PRKG1: variants seen among roughly 807,000 people sequenced by gnomAD.
PRKG1 encodes protein kinase cGMP-dependent 1, also known as cGMP-dependent protein kinase 1.
In PRKG1, 35 loss-of-function variants were observed where a neutral mutation model predicts 88.1. That is an observed-to-expected ratio of 0.40 (90% CI 0.30 to 0.53). The LOEUF (loss-of-function observed/expected upper bound fraction) is 0.53. PRKG1 is among the 20% of genes least tolerant of loss of function. The probability of loss-of-function intolerance (pLI) is 0.59; values close to 1 mark genes in which losing one functional copy is unlikely to be tolerated. For synonymous variants in PRKG1, 303 were observed against 292.5 expected (o/e 1.04, Z -0.37); for missense variants, 540 against 839.8 (o/e 0.64, Z 4.41).
At chr10:51,912,212 G>A (rs1842233553) in intron 5 of PRKG1, among the ~76,000 whole-genome samples, 1 of 152,198 alleles carries the variant, frequency 6.6e-6, no homozygotes. Context: ...AAGAACAGAA[G>A]GAATATTTGT....
At chr10:52,073,533 T>C (rs758154206) in intron 7 of PRKG1, among the ~76,000 whole-genome samples, 5 of 152,230 alleles carry the variant, frequency 3.3e-5, no homozygotes, top group Non-Finnish European at 7.3e-5. Flanking sequence ...ATCCCCATGA[T>C]TTATTTCACT....
chr10:52,078,186 G>A (rs560822897), intron 7 of PRKG1, among the ~76,000 whole-genome samples: 2 of 152,308 alleles, frequency 1.3e-5, no homozygotes, highest in South Asian at 4.1e-4. Context: ...ACATGGATTT[G>A]CTAACCTGGA....
intron 5 of PRKG1, among the ~76,000 whole-genome samples, chr10:51,938,972 G>A (rs1488574880): frequency 3.3e-5 from 5 of 151,920 alleles, no homozygotes; most frequent in African/African-American, 1.2e-4. Flanking sequence ...AGGGTATGTG[G>A]ATAGACCCAG....
intron 5 of PRKG1, among the ~76,000 whole-genome samples, chr10:52,020,529 C>CT (rs1447464610): frequency 2.0e-5 from 3 of 152,076 alleles, no homozygotes; most frequent in Non-Finnish European, 4.4e-5. Flanking sequence ...ATTTAAAAGG[C>CT]TTTAGAACAG....
chr10:52,101,671 A>G (rs1164742271), intron 7 of PRKG1, among the ~76,000 whole-genome samples: 1 of 152,202 alleles, frequency 6.6e-6, no homozygotes, highest in East Asian at 1.9e-4. Flanking sequence ...TGGTTATTTT[A>G]TCAATAAGAC....
At chr10:51,780,793 A>G (rs934376596) in intron 3 of PRKG1, among the ~76,000 whole-genome samples, 1 of 152,184 alleles carries the variant, frequency 6.6e-6, no homozygotes, top group African/African-American at 2.4e-5. Flanking sequence ...TGCGAAGGTC[A>G]TTAAGTTTGT....
At chr10:51,126,838 A>G (rs1845436860) in intron 1 of PRKG1, among the ~76,000 whole-genome samples, 1 of 152,134 alleles carries the variant, frequency 6.6e-6, no homozygotes, top group Admixed American at 6.6e-5. Flanking sequence ...TCTTCAACAA[A>G]CCTGACAAAA....
chr10:52,193,563 C>CAAAAAAAAAA (rs67349420), intron 9 of PRKG1, among the ~76,000 whole-genome samples: 1 of 118,522 alleles, frequency 8.4e-6, no homozygotes, highest in African/African-American at 3.3e-5. Flanking sequence ...AAAAAAAAAA[C>CAAAAAAAAAA]AAAAAAAAAA....
Position 50,991,712 on chromosome 10 carries a change from C to G in PRKG1, c.266+68C>G. 13 of 1,138,172 alleles carry G rather than the reference C, an allele frequency of 1.1e-5. No homozygotes were observed. Among genetic ancestry groups the G allele is most frequent in the Non-Finnish European group, 1.1e-6 (1 of 922,114 alleles). 70.5% of individuals were successfully genotyped at this position (1,138,172 alleles called of 1,614,324 possible). On this transcript the variant is annotated intron_variant, in intron 1 of 17. Coordinates refer to the PRKG1 transcript ENST00000401604. This position sits in a 1 kb window ranked among gnomAD's most constrained non-coding sequence, Gnocchi z 4.5. ...CGGCGCAGAGGCTGGGGGCTCTGGC[C>G]GCGGCGGCGGGGGCGGGTCGGCCCA...
At chr10:51,420,635 T>C (rs553671803) in intron 2 of PRKG1, among the ~76,000 whole-genome samples, 1 of 152,334 alleles carries the variant, frequency 6.6e-6, no homozygotes, top group South Asian at 2.1e-4. Context: ...TTCACAACTT[T>C]TCTTACACTA....
chr10:51,591,559 G>A (rs1267717022), intron 3 of PRKG1, among the ~76,000 whole-genome samples: 1 of 152,158 alleles, frequency 6.6e-6, no homozygotes, highest in Non-Finnish European at 1.5e-5. Context: ...CAGCACTGCA[G>A]AAAGTGTTCA....
At chr10:51,009,082 G>A (rs575783426) in intron 1 of PRKG1, among the ~76,000 whole-genome samples, 1 of 152,240 alleles carries the variant, frequency 6.6e-6, no homozygotes, top group South Asian at 2.1e-4. Context: ...GGCTTAAAAT[G>A]TGAGACAACT....
At chr10:52,152,796 G>A (rs1467674459) in intron 8 of PRKG1, among the ~76,000 whole-genome samples, 2 of 152,192 alleles carry the variant, frequency 1.3e-5, no homozygotes, top group Non-Finnish European at 2.9e-5. Context: ...AGATAATATA[G>A]AAGAGGGGAT....
intron 4 of PRKG1, among the ~76,000 whole-genome samples, chr10:51,866,459 G>A (rs1452238548): frequency 6.6e-6 from 1 of 151,950 alleles, no homozygotes; most frequent in Non-Finnish European, 1.5e-5. Context: ...ACATCAGATA[G>A]GAATGATGAA....
intron 2 of PRKG1, among the ~76,000 whole-genome samples, chr10:51,244,006 C>T (rs1039106547): frequency 1.3e-5 from 2 of 152,082 alleles, no homozygotes; most frequent in African/African-American, 4.8e-5. Flanking sequence ...GAATTTTGTT[C>T]TATTGTGTTG....
chr10:51,319,544 T>C (rs1351330219), intron 2 of PRKG1, among the ~76,000 whole-genome samples: 2 of 152,188 alleles, frequency 1.3e-5, no homozygotes, highest in African/African-American at 4.8e-5. Context: ...TTCTTTACTC[T>C]CAGTTATTAG....
intron 4 of PRKG1, among the ~76,000 whole-genome samples, chr10:51,817,711 A>T (rs947700926): frequency 9.9e-5 from 15 of 152,202 alleles, no homozygotes; most frequent in Admixed American, 3.9e-4. Context: ...GGATAAAAAT[A>T]TGACAAAATA....
chr10:51,858,649 G>T (rs1362472999), intron 4 of PRKG1, among the ~76,000 whole-genome samples: 1 of 149,878 alleles, frequency 6.7e-6, no homozygotes, highest in East Asian at 2.0e-4. Flanking sequence ...GTACATTTTT[G>T]TACCTGTGCG....
chr10:52,037,698 G>C (rs1845653154), intron 5 of PRKG1, among the ~76,000 whole-genome samples: 1 of 152,302 alleles, frequency 6.6e-6, no homozygotes, highest in African/African-American at 2.4e-5. Flanking sequence ...GGGAGGGCTA[G>C]TCATGGAACG....
Sources: gnomAD v4.1 joint callset for allele counts (sites outside exome capture counted in the v4.1 genomes callset) on GRCh38, gnomAD v4.1.1 for gene constraint, Gnocchi (gnomAD v3.1) non-coding constraint, MANE v1.5 for transcripts, NCBI Gene and HGNC (gene_info 2026-07-23, HGNC 2026-07-21) for gene names.